The following MAGI2 variants were observed in gnomAD, a reference collection of about 807,000 sequenced individuals.
MAGI2 encodes membrane-associated guanylate kinase, WW and PDZ domain-containing protein 2.
MAGI2 carries 35 observed loss-of-function variants against 133.3 expected under a neutral mutation model. The observed-to-expected ratio is 0.26, with a 90% CI of 0.20 to 0.35. MAGI2 has a LOEUF of 0.35. MAGI2 is among the 10% of genes least tolerant of loss of function. The pLI is 1.00. For synonymous variants in MAGI2, 729 were observed against 710.6 expected, an observed-to-expected ratio of 1.03 and a Z score of -0.41; for missense variants, 1,636 against 1,863.4, an observed-to-expected ratio of 0.88 and a Z score of 2.25.
At chr7:78,331,851 T>G (rs1789236853) in intron 9 of MAGI2, among the ~76,000 whole-genome samples, 1 of 152,194 alleles carries the variant, frequency 6.6e-6, no homozygotes, top group African/African-American at 2.4e-5. Context: ...CCAGTGAGCC[T>G]TAGTGCAAAT....
intron 1 of MAGI2, among the ~76,000 whole-genome samples, chr7:79,368,931 A>G (rs1359928168): frequency 6.6e-6 from 1 of 151,062 alleles, no homozygotes; most frequent in Non-Finnish European, 1.5e-5. Flanking sequence ...GTGCTACCCC[A>G]TCATCACCAT....
intron 2 of MAGI2, among the ~76,000 whole-genome samples, chr7:78,913,278 A>C (rs11978865): frequency 0.014 from 2,057 of 152,204 alleles, 33 homozygotes; most frequent in African/African-American, 0.046. Context: ...TGAATGTTTT[A>C]GCACAATCCC....
intron 10 of MAGI2, among the ~76,000 whole-genome samples, chr7:78,235,927 A>C (rs1409784169): frequency 6.6e-6 from 1 of 152,092 alleles, no homozygotes; most frequent in Non-Finnish European, 1.5e-5. Context: ...GACATACTCA[A>C]AGTAACCATG....
intron 1 of MAGI2, among the ~76,000 whole-genome samples, chr7:79,165,012 T>G (rs1824775278): frequency 6.6e-6 from 1 of 152,044 alleles, no homozygotes; most frequent in Admixed American, 6.6e-5. Flanking sequence ...CTAAATTTCC[T>G]ACATGAAAAA....
intron 2 of MAGI2, among the ~76,000 whole-genome samples, chr7:78,695,253 A>C (rs899073175): frequency 6.6e-6 from 1 of 152,130 alleles, no homozygotes; most frequent in Non-Finnish European, 1.5e-5. Context: ...AATAAAATAA[A>C]ATGTCTCCTG....
At chr7:78,150,501 C>G (rs1323833540) in intron 16 of MAGI2, among the ~76,000 whole-genome samples, 1 of 152,180 alleles carries the variant, frequency 6.6e-6, no homozygotes, top group African/African-American at 2.4e-5. Context: ...TTTACTTGAA[C>G]CTAATGTGGG....
At chr7:79,336,485 CAA>C (rs2129095727) in intron 1 of MAGI2, among the ~76,000 whole-genome samples, 1 of 151,920 alleles carries the variant, frequency 6.6e-6, no homozygotes, top group African/African-American at 2.4e-5. Flanking sequence ...AAAATAAAAA[CAA>C]ATTATGTATA....
At chr7:78,572,618 T>G (rs1801620057) in intron 3 of MAGI2, among the ~76,000 whole-genome samples, 3 of 152,136 alleles carry the variant, frequency 2.0e-5, no homozygotes, top group Non-Finnish European at 4.4e-5. Flanking sequence ...GATGCAATCA[T>G]TATCTACTCT....
chr7:78,934,068 T>C (rs1022616788), intron 2 of MAGI2, among the ~76,000 whole-genome samples: 10 of 152,162 alleles, frequency 6.6e-5, no homozygotes, highest in African/African-American at 2.4e-4. Context: ...TTTCTACTAA[T>C]GATACTGTGC....
chr7:78,994,036 G>A (rs952930691), intron 2 of MAGI2, among the ~76,000 whole-genome samples: 4 of 152,086 alleles, frequency 2.6e-5, no homozygotes, highest in South Asian at 2.1e-4. Context: ...TGTATATCTC[G>A]ATTCTGTATG....
chr7:78,232,604 CA>C (rs1790099203), intron 10 of MAGI2, among the ~76,000 whole-genome samples: 1 of 152,138 alleles, frequency 6.6e-6, no homozygotes, highest in African/African-American at 2.4e-5. Context: ...CCAGAAAGCA[CA>C]ATGTGTCTTT....
At chr7:78,582,852 G>GA (rs1802987217) in intron 3 of MAGI2, among the ~76,000 whole-genome samples, 1 of 152,256 alleles carries the variant, frequency 6.6e-6, no homozygotes, top group East Asian at 1.9e-4. Context: ...TAATACTTTA[G>GA]AAAGACCTAT....
chr7:78,670,475 T>C (rs1006726151), intron 2 of MAGI2, among the ~76,000 whole-genome samples: 1 of 152,104 alleles, frequency 6.6e-6, no homozygotes, highest in Non-Finnish European at 1.5e-5. Flanking sequence ...AGAATCAATA[T>C]CATGAAAATG....
At chr7:79,335,557 A>G (rs548948648) in intron 1 of MAGI2, among the ~76,000 whole-genome samples, 237 of 152,250 alleles carry the variant, frequency 1.6e-3, no homozygotes, top group African/African-American at 5.4e-3. Flanking sequence ...AAAATGGTAA[A>G]TATATAGGAA....
intron 1 of MAGI2, among the ~76,000 whole-genome samples, chr7:79,027,345 A>T (rs1809999926): frequency 6.7e-6 from 1 of 150,072 alleles, no homozygotes; most frequent in African/African-American, 2.4e-5. Context: ...TATTTAATAT[A>T]TATATTAAAT....
chr7:79,001,780 CAA>C, intron 2 of MAGI2, among the ~76,000 whole-genome samples: 1 of 152,226 alleles, frequency 6.6e-6, no homozygotes, highest in Middle Eastern at 3.4e-3. Context: ...CCATATTACC[CAA>C]GAGACAATGC....
chr7:78,217,784 GCA>G (rs1367425684), intron 10 of MAGI2, among the ~76,000 whole-genome samples: 2 of 152,160 alleles, frequency 1.3e-5, no homozygotes, highest in Non-Finnish European at 2.9e-5. Flanking sequence ...TTTCAGGTCA[GCA>G]CAAAGACCTG....
At chr7:78,537,618 T>C (rs1798065274) in intron 3 of MAGI2, among the ~76,000 whole-genome samples, 2 of 152,228 alleles carry the variant, frequency 1.3e-5, no homozygotes, top group South Asian at 2.1e-4. Context: ...GATTTTTTCA[T>C]GTTTCTTGGC....
intron 1 of MAGI2, among the ~76,000 whole-genome samples, chr7:79,218,128 A>C (rs1035476067): frequency 2.0e-5 from 3 of 152,048 alleles, no homozygotes; most frequent in African/African-American, 7.3e-5. Flanking sequence ...GCTATACTAC[A>C]GAATTTTCTG....
Sources: gnomAD v4.1 joint callset for allele counts (sites outside exome capture counted in the v4.1 genomes callset) on GRCh38, gnomAD v4.1.1 for gene constraint, MANE v1.5 for transcripts, NCBI Gene and HGNC (gene_info 2026-07-23, HGNC 2026-07-21) for gene names.